Variants in NAV3 observed in about 807,000 individuals in gnomAD.
NAV3 encodes pore membrane and/or filament interacting like protein 1.
A neutral mutation model predicts 244.7 loss-of-function variants in NAV3; 87 were observed. The observed-to-expected ratio is 0.36, with a 90% CI of 0.30 to 0.42. NAV3 has a LOEUF of 0.42. Ranked by LOEUF, NAV3 falls within the 20% of genes least tolerant of loss-of-function variation. The pLI is 1.00. For synonymous variants in NAV3, 1,126 were observed against 1,042.2 expected, an observed-to-expected ratio of 1.08 and a Z score of -1.55; for missense variants, 2,663 against 2,893.3, an observed-to-expected ratio of 0.92 and a Z score of 1.83.
At chr12:78,098,474 T>C (rs932892432) in intron 12 of NAV3, among the ~76,000 whole-genome samples, 2 of 151,566 alleles carry the variant, frequency 1.3e-5, no homozygotes, top group African/African-American at 4.8e-5. Context: ...CAATAATAAA[T>C]AGAAAAGAAA....
At chr12:77,820,382 C>T (rs1872688205) in intron 2 of NAV3, among the ~76,000 whole-genome samples, 1 of 152,090 alleles carries the variant, frequency 6.6e-6, no homozygotes, top group Non-Finnish European at 1.5e-5. Context: ...GGTCTTCTGG[C>T]TGCATCTTCA....
intron 38 of NAV3, among the ~76,000 whole-genome samples, chr12:78,203,719 G>A (rs1020544250): frequency 3.3e-5 from 5 of 152,188 alleles, no homozygotes; most frequent in African/African-American, 1.2e-4. Flanking sequence ...CTACTAACCA[G>A]GATTGTCCTT....
chr12:77,752,104 G>A (rs966037954), intron 2 of NAV3, among the ~76,000 whole-genome samples: 1 of 152,088 alleles, frequency 6.6e-6, no homozygotes, highest in Non-Finnish European at 1.5e-5. Context: ...GCTTTTCTGT[G>A]TGCCAATTGT....
chr12:78,128,388 AC>A (rs1332000101), intron 17 of NAV3, among the ~76,000 whole-genome samples: 9 of 151,106 alleles, frequency 6.0e-5, no homozygotes, highest in Non-Finnish European at 1.2e-4. Context: ...CCATGTTTTC[AC>A]CCTCTTTACA....
At chr12:77,808,430 C>T (rs1872097943) in intron 2 of NAV3, among the ~76,000 whole-genome samples, 1 of 152,134 alleles carries the variant, frequency 6.6e-6, no homozygotes, top group East Asian at 1.9e-4. Flanking sequence ...CTAACAGGCC[C>T]CTCTGCTGCC....
At chr12:78,120,906 C>T (rs1248668807) in intron 15 of NAV3, among the ~76,000 whole-genome samples, 1 of 152,086 alleles carries the variant, frequency 6.6e-6, no homozygotes, top group East Asian at 1.9e-4. Context: ...ATTTCAGATA[C>T]CTGATTGTTT....
At chr12:77,840,860 G>A (rs1254480341) in intron 1 of NAV3, among the ~76,000 whole-genome samples, 1 of 152,164 alleles carries the variant, frequency 6.6e-6, no homozygotes, top group Admixed American at 6.6e-5. Flanking sequence ...TCACAACAAT[G>A]TATAGACAAT....
chr12:78,029,848 A>G (rs1217850267), intron 9 of NAV3, among the ~76,000 whole-genome samples: 1 of 152,216 alleles, frequency 6.6e-6, no homozygotes, highest in Non-Finnish European at 1.5e-5. Context: ...AATAATTGCA[A>G]TAAAATAATT....
At chr12:77,596,206 A>G (rs1005519576) in intron 2 of NAV3, among the ~76,000 whole-genome samples, 1 of 152,122 alleles carries the variant, frequency 6.6e-6, no homozygotes, top group African/African-American at 2.4e-5. Context: ...TCTTGTATTC[A>G]ATGAGGATAA....
intron 34 of NAV3, among the ~76,000 whole-genome samples, chr12:78,190,873 G>A (rs1958946273): frequency 6.6e-6 from 1 of 152,008 alleles, no homozygotes; most frequent in Non-Finnish European, 1.5e-5. Flanking sequence ...TATTTTCTGA[G>A]TAAAACAAAA....
intron 1 of NAV3, among the ~76,000 whole-genome samples, chr12:77,858,657 G>T (rs1217026906): frequency 3.3e-5 from 5 of 151,954 alleles, no homozygotes; most frequent in Non-Finnish European, 5.9e-5. Context: ...TTTCATTTTA[G>T]TCTGACCACT....
At chr12:77,755,405 G>A (rs1239322005) in intron 2 of NAV3, among the ~76,000 whole-genome samples, 1 of 152,066 alleles carries the variant, frequency 6.6e-6, no homozygotes, top group Non-Finnish European at 1.5e-5. Flanking sequence ...ATACCAGGGA[G>A]CACAAAGCCC....
In NAV3 at chr12:78,021,825, T is replaced by C. The variant is rs1163004892; in HGVS notation, c.1986T>C (p.Tyr662=). The C allele has an allele frequency of 5.0e-6, 8 of 1,610,900 alleles. No homozygotes were observed. Among genetic ancestry groups the C allele is most frequent in the South Asian group, 3.3e-5 (3 of 90,926 alleles). ...GTCCTACAAAGATGGACTTATCATA[T>C]AGTAAGACTGCTAAGCAGTGCCTGG... ...CTSPTKMDLS[Y]SKTAKQCLEE... Residue 662 remains tyrosine, a synonymous_variant, in exon 9 of 40, where the codon TAT becomes TAC. Transcript: ENST00000397909.
chr12:77,728,259 G>C (rs1876968728), intron 2 of NAV3, among the ~76,000 whole-genome samples: 1 of 151,858 alleles, frequency 6.6e-6, no homozygotes, highest in Admixed American at 6.6e-5. Context: ...TGTCTGAGTT[G>C]GTTACGATGA....
chr12:77,914,311 G>C (rs1217090876), intron 1 of NAV3, among the ~76,000 whole-genome samples: 4 of 151,970 alleles, frequency 2.6e-5, no homozygotes, highest in Non-Finnish European at 5.9e-5. Context: ...CAGTCCATCG[G>C]TCAATCATTT....
chr12:78,028,618 C>A (rs1593319539), intron 9 of NAV3, among the ~76,000 whole-genome samples: 1 of 152,078 alleles, frequency 6.6e-6, no homozygotes, highest in African/African-American at 2.4e-5. Context: ...AGCTTGCATC[C>A]CTGCTGTTTT....
intron 2 of NAV3, among the ~76,000 whole-genome samples, chr12:77,603,329 A>G (rs1870524707): frequency 6.6e-6 from 1 of 152,120 alleles, no homozygotes; most frequent in Non-Finnish European, 1.5e-5. Flanking sequence ...CTCTTTGGTG[A>G]TCTCATCAAA....
chr12:78,186,863 T>C (rs1958745178), intron 31 of NAV3, among the ~76,000 whole-genome samples: 1 of 151,836 alleles, frequency 6.6e-6, no homozygotes, highest in Non-Finnish European at 1.5e-5. Context: ...CTTTTTGCAT[T>C]GCAGGTGGTG....
intron 1 of NAV3, among the ~76,000 whole-genome samples, chr12:77,876,281 T>G (rs560801558): frequency 4.6e-5 from 7 of 152,128 alleles, no homozygotes; most frequent in Non-Finnish European, 1.0e-4. Context: ...ACTGAAAAGA[T>G]GAGAGAAAGC....
Sources: gnomAD v4.1 joint callset for allele counts (sites outside exome capture counted in the v4.1 genomes callset) on GRCh38, gnomAD v4.1.1 for gene constraint, MANE v1.5 for transcripts, NCBI Gene and HGNC (gene_info 2026-07-23, HGNC 2026-07-21) for gene names.